FAM227B: variants seen among roughly 807,000 people sequenced by gnomAD.
FAM227B encodes protein FAM227B.
In FAM227B, 88 loss-of-function variants were observed where a neutral mutation model predicts 73.8. The observed-to-expected ratio is 1.19, with a 90% CI of 1.00 to 1.42. The LOEUF is 1.42. FAM227B is among the 40% of genes most tolerant of loss of function. The pLI, the probability that FAM227B is intolerant of heterozygous loss-of-function variation, is 0.00. For synonymous variants in FAM227B, 210 were observed against 190.5 expected, an observed-to-expected ratio of 1.10 and a Z score of -0.84; for missense variants, 632 against 590.9, an observed-to-expected ratio of 1.07 and a Z score of -0.72.
chr15:49,471,792 T>C (rs1450232453), intron 11 of FAM227B, among the ~76,000 whole-genome samples: 1 of 152,046 alleles, frequency 6.6e-6, no homozygotes, highest in Non-Finnish European at 1.5e-5. Context: ...GACAGTTTGC[T>C]GAGTGGGGAG....
chr15:49,355,221 A>T (rs1019540144), intron 13 of FAM227B, among the ~76,000 whole-genome samples: 3 of 152,236 alleles, frequency 2.0e-5, no homozygotes, highest in Non-Finnish European at 2.9e-5. Context: ...TCACCAGCAA[A>T]GGAACAAAGC....
intron 11 of FAM227B, among the ~76,000 whole-genome samples, chr15:49,380,737 T>C (rs2046471253): frequency 6.6e-6 from 1 of 152,154 alleles, no homozygotes; most frequent in South Asian, 2.1e-4. Flanking sequence ...CCTTTATTTT[T>C]TTCTACTCAA....
chr15:49,361,843 A>T (rs1478579268), intron 13 of FAM227B, among the ~76,000 whole-genome samples: 3 of 152,136 alleles, frequency 2.0e-5, no homozygotes, highest in Non-Finnish European at 2.9e-5. Flanking sequence ...CAACGGTTGA[A>T]CTAATTTACA....
At chr15:49,434,820 G>GA (rs1235386629) in intron 11 of FAM227B, among the ~76,000 whole-genome samples, 1 of 151,070 alleles carries the variant, frequency 6.6e-6, no homozygotes, top group Admixed American at 6.6e-5. Context: ...TCTGGCAAGG[G>GA]AAAACATCAA....
chr15:49,447,846 G>C (rs912972250), intron 11 of FAM227B, among the ~76,000 whole-genome samples: 3 of 151,674 alleles, frequency 2.0e-5, no homozygotes, highest in Admixed American at 6.6e-5. Flanking sequence ...CACAGAACGA[G>C]AATGAATTGA....
At chr15:49,595,988 T>C (rs1200044708) in intron 3 of FAM227B, among the ~76,000 whole-genome samples, 2 of 151,938 alleles carry the variant, frequency 1.3e-5, no homozygotes, top group Non-Finnish European at 2.9e-5. Context: ...TGACCAAACC[T>C]AAAAATAACT....
intron 15 of FAM227B, chr15:49,329,147 A>C (rs939968409): frequency 1.0e-6 from 1 of 988,810 alleles, no homozygotes; most frequent in African/African-American, 1.7e-5. Flanking sequence ...ACCCCATTGT[A>C]AAGCAGGTAT....
intron 9 of FAM227B, among the ~76,000 whole-genome samples, chr15:49,562,673 C>G (rs2074351392): frequency 6.6e-6 from 1 of 152,076 alleles, no homozygotes; most frequent in Non-Finnish European, 1.5e-5. Context: ...AAGCTTTATT[C>G]CTGTGATGCA....
At chr15:49,471,358 C>G (rs548073478) in intron 11 of FAM227B, among the ~76,000 whole-genome samples, 1 of 151,922 alleles carries the variant, frequency 6.6e-6, no homozygotes, top group South Asian at 2.1e-4. Flanking sequence ...GTGGCACAAC[C>G]TGTAATTACA....
chr15:49,473,121 G>A (rs1418649930), intron 11 of FAM227B, among the ~76,000 whole-genome samples: 1 of 151,928 alleles, frequency 6.6e-6, no homozygotes, highest in South Asian at 2.1e-4. Flanking sequence ...AAACATTTTT[G>A]TATTTTTTCA....
chr15:49,583,503 A>G (rs1175084342), intron 5 of FAM227B, among the ~76,000 whole-genome samples: 1 of 152,148 alleles, frequency 6.6e-6, no homozygotes, highest in Admixed American at 6.5e-5. Context: ...TTTGGTCTAA[A>G]AAGGGGAGGC....
rs558584591 is a variant in FAM227B, at chr15:49,438,103, GT to G, written c.1013-66705del. ...TTGTATGGGAATTAGTGTTTCAGGA[GT>G]ACCAAGTTCAAGATAGGAAGTAGGA... is the stretch of plus-strand genomic sequence containing the variant. On this transcript the variant is annotated intron_variant, in intron 11 of 15. Transcript: ENST00000299338. Among the ~76,000 whole-genome samples, 30 of 151,718 alleles carry G rather than the reference GT, an allele frequency of 2.0e-4. No homozygotes were observed. The South Asian group carries it at 6.0e-3, about 30-fold the overall frequency.
At chr15:49,393,987 A>G (rs2151585393) in intron 11 of FAM227B, among the ~76,000 whole-genome samples, 1 of 152,300 alleles carries the variant, frequency 6.6e-6, no homozygotes, top group South Asian at 2.1e-4. Flanking sequence ...GTCAAACAGC[A>G]TAAGAAACAC....
At chr15:49,573,682 T>C (rs188030041) in intron 8 of FAM227B, among the ~76,000 whole-genome samples, 2 of 152,308 alleles carry the variant, frequency 1.3e-5, no homozygotes, top group East Asian at 3.9e-4. Context: ...CTTCCCAGCC[T>C]ACTGTGAGCC....
chr15:49,480,155 G>A (rs970862181), intron 11 of FAM227B, among the ~76,000 whole-genome samples: 6 of 152,112 alleles, frequency 3.9e-5, no homozygotes, highest in Non-Finnish European at 7.4e-5. Context: ...ATTTCCCAGT[G>A]TTAATGGTAT....
intron 2 of FAM227B, among the ~76,000 whole-genome samples, chr15:49,611,926 A>ACT (rs2077950509): frequency 6.6e-6 from 1 of 151,956 alleles, no homozygotes; most frequent in South Asian, 2.1e-4. Context: ...ATTAAAAGTC[A>ACT]CTTTGTCCAT....
At position 49,554,728 on chromosome 15, in the gene FAM227B, G is replaced by A. The variant is rs560762617; in HGVS notation, c.748-12922C>T. On this transcript the variant is annotated intron_variant, in intron 9 of 15. Coordinates refer to ENST00000299338, the MANE Select transcript of FAM227B (RefSeq NM_152647.3). ...CTATCTCTTCAGTGCCTCTTTCAGT[G>A]ATATGAAGCTAAAACTAGGCACTAT... 8.7e-4 allele frequency among the ~76,000 whole-genome samples: 133 copies of A among 152,260 alleles called. 5 individuals carry two copies. In the South Asian group the frequency reaches 0.026, roughly 30 times the overall value.
At chr15:49,332,837 G>T (rs528197984) in intron 14 of FAM227B, among the ~76,000 whole-genome samples, 1 of 152,292 alleles carries the variant, frequency 6.6e-6, no homozygotes, top group Admixed American at 6.5e-5. Context: ...GTGCACCCCT[G>T]AAGGCAGAGT....
chr15:49,373,513 C>G (rs2045973325), intron 11 of FAM227B, among the ~76,000 whole-genome samples: 1 of 151,118 alleles, frequency 6.6e-6, no homozygotes, highest in Non-Finnish European at 1.5e-5. Context: ...GGGAATATTA[C>G]CTGAAAATCC....
Sources: gnomAD v4.1 joint callset for allele counts (sites outside exome capture counted in the v4.1 genomes callset) on GRCh38, gnomAD v4.1.1 for gene constraint, MANE v1.5 for transcripts, NCBI Gene and HGNC (gene_info 2026-07-23, HGNC 2026-07-21) for gene names.